ITPR1: variants seen among roughly 807,000 people sequenced by gnomAD.
The protein encoded by ITPR1 is inositol 1,4,5-trisphosphate-gated calcium channel ITPR1.
ITPR1 carries 96 observed loss-of-function variants against 318.4 expected under a neutral mutation model. That is an observed-to-expected ratio of 0.30 (90% CI 0.26 to 0.36). The LOEUF is 0.36. ITPR1 is among the 10% of genes least tolerant of loss of function. The pLI is 1.00. For synonymous variants in ITPR1, 1,312 were observed against 1,289.9 expected, an observed-to-expected ratio of 1.02 and a Z score of -0.37; for missense variants, 2,440 against 3,460.2, an observed-to-expected ratio of 0.71 and a Z score of 7.40.
chr3:4,680,702 C>A lies in ITPR1; in HGVS notation c.3106+11C>A. The stretch of plus-strand genomic sequence containing the variant: ...CAAGTAATGTACCAGGTTAGTGATT[C>A]AGAATGGAATTTCAGCCATAGAATG... On this transcript the variant is annotated intron_variant, in intron 25 of 61. Transcript: ENST00000649015. 6.2e-7 allele frequency: 1 copy of A among 1,601,978 alleles called. No homozygotes were observed. Among genetic ancestry groups the A allele is most frequent in the Non-Finnish European group, 8.5e-7 (1 of 1,173,628 alleles).
chr3:4,735,533 T>C lies in ITPR1; in HGVS notation c.5544+179T>C, dbSNP rs951582354. The C allele has an allele frequency of 1.5e-5, 9 of 581,294 alleles. 1 individual carries two copies. The highest frequency in any genetic ancestry group is 1.1e-4 in the African/African-American group (6 of 53,836). The allele number at this position is 581,294 out of a possible 1,614,324, so 36.0% of individuals were successfully genotyped here. On this transcript the variant is annotated intron_variant, in intron 44 of 61. Transcript: ENST00000649015. ...GTATCCTGCTGTGATCATTTGGTCA[T>C]AAATCAGACTTGGTTCCAGAACATG...
chr3:4,787,878 C>A (rs1272201586), intron 51 of ITPR1, 69 bp from the exon 52 acceptor site: 2 of 1,083,956 alleles, frequency 1.8e-6, no homozygotes, highest in African/African-American at 3.2e-5. Context: ...AGTCTACCAC[C>A]AGTAGCAAAT....
chr3:4,537,905 C>T (rs976677462), intron 4 of ITPR1, among the ~76,000 whole-genome samples: 23 of 152,030 alleles, frequency 1.5e-4, no homozygotes, highest in African/African-American at 4.4e-4. Flanking sequence ...TTTATTTGTG[C>T]GTTCTTTTTT....
At chr3:4,622,630 G>A (rs2092686012) in intron 4 of ITPR1, among the ~76,000 whole-genome samples, 1 of 152,050 alleles carries the variant, frequency 6.6e-6, no homozygotes, top group Admixed American at 6.6e-5. Flanking sequence ...CACCATGTTG[G>A]CCTCCATCTC....
chr3:4,774,944 G>C (rs906603573), intron 46 of ITPR1, among the ~76,000 whole-genome samples: 1 of 152,170 alleles, frequency 6.6e-6, no homozygotes, highest in Admixed American at 6.5e-5. Flanking sequence ...AGAGAGGAAG[G>C]GTTAAGAAGT....
chr3:4,642,335 G>C, intron 7 of ITPR1, 84 bp downstream of exon 7: 1 of 1,107,406 alleles, frequency 9.0e-7, no homozygotes, highest in Non-Finnish European at 1.2e-6. Context: ...AGGAGACGTT[G>C]AAAGTTGGAA....
intron 4 of ITPR1, among the ~76,000 whole-genome samples, chr3:4,606,780 G>A (rs1222551753): frequency 1.3e-5 from 2 of 152,146 alleles, no homozygotes; most frequent in Non-Finnish European, 2.9e-5. Flanking sequence ...GCATGACTCA[G>A]CTTTCAGGTT....
chr3:4,839,139 C>T (rs1467516550), intron 61 of ITPR1, among the ~76,000 whole-genome samples: 2 of 152,134 alleles, frequency 1.3e-5, no homozygotes, highest in East Asian at 3.9e-4. Context: ...ACCAGCCTGA[C>T]CAACATGGAG....
intron 2 of ITPR1, among the ~76,000 whole-genome samples, chr3:4,495,754 C>G (rs184233): frequency 0.34 from 51,313 of 152,048 alleles, 9,089 homozygotes; most frequent in Admixed American, 0.4. Context: ...AATCACTTGC[C>G]CAGTAGCTAG....
At chr3:4,522,637 C>G (rs2082654112) in intron 4 of ITPR1, among the ~76,000 whole-genome samples, 1 of 152,210 alleles carries the variant, frequency 6.6e-6, no homozygotes, top group East Asian at 1.9e-4. Context: ...TTTCATGTTT[C>G]CTTCCAAGAC....
intron 37 of ITPR1, among the ~76,000 whole-genome samples, chr3:4,707,264 C>G (rs1219644767): frequency 2.6e-5 from 4 of 152,208 alleles, no homozygotes; most frequent in African/African-American, 4.8e-5. Flanking sequence ...GTTGACTGGG[C>G]TCCGCTAGCT....
chr3:4,818,103 A>C lies in ITPR1; in HGVS notation c.7889A>C (p.Asp2630Ala). 1 of 1,601,386 alleles carries C rather than the reference A, an allele frequency of 6.2e-7. No homozygotes were observed. The highest frequency in any genetic ancestry group is 8.5e-7 in the Non-Finnish European group (1 of 1,170,666). ...FICGLERDKF[D>A]NKTVTFEEHI... ...TTAGGCTTGGAAAGAGACAAGTTTG[A>C]CAACAAGACTGTCACCTTTGAAGAG... is the stretch of plus-strand genomic sequence containing the variant. The change falls in exon 60 of 62, where the codon GAC becomes GCC. Residue 2630 changes from aspartate to alanine, a missense_variant. Physicochemically the swap from Asp to Ala is moderately radical, Grantham distance 126 (BLOSUM62 -2). Transcript: ENST00000649015.
intron 17 of ITPR1, among the ~76,000 whole-genome samples, chr3:4,665,660 C>T (rs991343313): frequency 1.3e-5 from 2 of 152,046 alleles, no homozygotes; most frequent in African/African-American, 4.8e-5. Flanking sequence ...TAAAATTCTC[C>T]GTCTCTTTCT....
chr3:4,527,636 C>G (rs1220924732), intron 4 of ITPR1, among the ~76,000 whole-genome samples: 1 of 152,160 alleles, frequency 6.6e-6, no homozygotes, highest in East Asian at 1.9e-4. Flanking sequence ...GTGGAAGACC[C>G]CTGGTTCCTC....
At chr3:4,794,779 G>A (rs2047790107) in intron 52 of ITPR1, among the ~76,000 whole-genome samples, 1 of 152,166 alleles carries the variant, frequency 6.6e-6, no homozygotes. Flanking sequence ...TGATGGCTGC[G>A]GCTGGGGTAT....
At chr3:4,545,271 T>A (rs2084861012) in intron 4 of ITPR1, among the ~76,000 whole-genome samples, 1 of 152,198 alleles carries the variant, frequency 6.6e-6, no homozygotes, top group Admixed American at 6.5e-5. Flanking sequence ...CAGAAAGCAG[T>A]GTGGAAACTT....
At chr3:4,832,475 A>G (rs995383581) in intron 60 of ITPR1, among the ~76,000 whole-genome samples, 9 of 152,176 alleles carry the variant, frequency 5.9e-5, no homozygotes, top group Non-Finnish European at 8.8e-5. Context: ...TACTAAAAAT[A>G]CAAAAATTAG....
intron 42 of ITPR1, among the ~76,000 whole-genome samples, chr3:4,730,326 A>G (rs1003250134): frequency 6.6e-6 from 1 of 150,494 alleles, no homozygotes; most frequent in Non-Finnish European, 1.5e-5. Flanking sequence ...AATATGTGCC[A>G]AAAACCTTAT....
chr3:4,660,998 G>A lies in ITPR1; in HGVS notation c.1162G>A (p.Val388Ile). Residue 388 changes from valine to isoleucine, a missense_variant, in exon 14 of 62, where the codon GTT becomes ATT. By Grantham distance (29) the Val-to-Ile change is conservative. Transcript: ENST00000649015. ...TTTTTTCCCTGTTAGGAACTCTTAT[G>A]TTCGGCTCAGACACCTATGTACTAA... The part of the protein sequence containing the change: ...GDSLVPRNSY[V>I]RLRHLCTNTW... 1 of 1,584,518 alleles carries A rather than the reference G, an allele frequency of 6.3e-7. No individual in the cohort carries two copies. The highest frequency in any genetic ancestry group is 8.6e-7 in the Non-Finnish European group (1 of 1,157,776).
Sources: allele counts gnomAD v4.1 joint callset (sites outside exome capture counted in the v4.1 genomes callset), GRCh38; gene constraint gnomAD v4.1.1; transcripts MANE v1.5; gene names NCBI Gene and HGNC (gene_info 2026-07-23, HGNC 2026-07-21).